CELF2: variants seen among roughly 807,000 people sequenced by gnomAD.
The protein encoded by CELF2 is CUG triplet repeat RNA-binding protein 2.
CELF2 carries 8 observed loss-of-function variants against 62.6 expected under a neutral mutation model. That is an observed-to-expected ratio of 0.13 (90% CI 0.07 to 0.23). The LOEUF (loss-of-function observed/expected upper bound fraction) is 0.23. Among genes scored for constraint, CELF2 ranks in the 10% least tolerant of loss-of-function variants. The probability of loss-of-function intolerance (pLI) is 1.00; values close to 1 mark genes in which losing one functional copy is unlikely to be tolerated. For missense variants in CELF2, 333 were observed against 671.0 expected (o/e 0.50, Z 5.56); for synonymous variants, 258 against 250.0 (o/e 1.03, Z -0.30).
chr10:10,971,720 G>C (rs2050775368), intron 2 of CELF2, among the ~76,000 whole-genome samples: 1 of 152,140 alleles, frequency 6.6e-6, no homozygotes, highest in Non-Finnish European at 1.5e-5. Flanking sequence ...CCAAGTAGCT[G>C]GGACTACAGG....
At chr10:11,236,705 C>T (rs2071439538) in intron 3 of CELF2, among the ~76,000 whole-genome samples, 1 of 152,142 alleles carries the variant, frequency 6.6e-6, no homozygotes, top group Non-Finnish European at 1.5e-5. Context: ...TAAAAAACTA[C>T]AAAAACGGCA....
At position 10,935,426 on chromosome 10, in the gene CELF2, A is replaced by G. The variant is rs1056077204; in HGVS notation, c.89+15427A>G. ...AAATTAAAAATTCCTATAAAAGAGC[A>G]GAGATGAGTTTGAGACAGTGCTTTG... On this transcript the variant is annotated intron_variant, in intron 2 of 13. Transcript: ENST00000636488. 9 of 152,246 alleles carry G rather than the reference A, an allele frequency of 5.9e-5. No individual in the cohort carries two copies. The South Asian group carries it at 1.9e-3, about 32-fold the overall frequency. The allele number at this position is 152,246 out of a possible 1,614,324, so 9.4% of individuals were successfully genotyped here.
chr10:11,225,140 G>A (rs1029849276), intron 3 of CELF2, among the ~76,000 whole-genome samples: 3 of 152,084 alleles, frequency 2.0e-5, no homozygotes, highest in Non-Finnish European at 2.9e-5. Context: ...TTTCAGGCCC[G>A]TACCCTCACC....
intron 1 of CELF2, among the ~76,000 whole-genome samples, chr10:10,911,028 C>T (rs117141799): frequency 0.013 from 1,924 of 152,310 alleles, 20 homozygotes; most frequent in Non-Finnish European, 0.02. Context: ...CATGCAAACC[C>T]AAGCCTGCAT....
the CELF2 span, among the ~76,000 whole-genome samples, chr10:10,584,523 T>G: frequency 6.6e-6 from 1 of 152,332 alleles, no homozygotes; most frequent in East Asian, 1.9e-4. Context: ...GTCTGCCTAT[T>G]AAGCTGGTTA....
At chr10:11,189,363 G>A (rs1406943379) in intron 2 of CELF2, among the ~76,000 whole-genome samples, 1 of 152,122 alleles carries the variant, frequency 6.6e-6, no homozygotes, top group Non-Finnish European at 1.5e-5. Context: ...GTACACAGCA[G>A]GTAGTTGGAT....
At chr10:10,632,462 T>A in the CELF2 span, among the ~76,000 whole-genome samples, 1 of 151,974 alleles carries the variant, frequency 6.6e-6, no homozygotes, top group African/African-American at 2.4e-5. Context: ...CACACACGTA[T>A]AAGCTTCTAC....
chr10:10,751,295 G>A, the CELF2 span, among the ~76,000 whole-genome samples: 1 of 152,244 alleles, frequency 6.6e-6, no homozygotes, highest in Non-Finnish European at 1.5e-5. Flanking sequence ...AGAACTCACT[G>A]CGTTCCATGA....
chr10:11,285,901 G>T lies in CELF2; in HGVS notation c.842-2517G>T, dbSNP rs2091165594. Reference sequence around the variant, plus strand: ...TGTTTTTACATGGACTTGAAAATGAGTAAGACATAATTTTTGTCCTAAAGG... The same window carrying T: ...TGTTTTTACATGGACTTGAAAATGATTAAGACATAATTTTTGTCCTAAAGG... On this transcript the variant is annotated intron_variant, in intron 8 of 12. Coordinates refer to ENST00000633077, the MANE Select transcript of CELF2 (RefSeq NM_001326342.2). This position sits in a 1 kb window ranked among gnomAD's most constrained non-coding sequence, Gnocchi z 4.3. Among the ~76,000 whole-genome samples the T allele has an allele frequency of 6.7e-6, 1 of 149,896 alleles. No individual in the cohort carries two copies. The highest frequency in any genetic ancestry group is 1.5e-5 in the Non-Finnish European group (1 of 67,560).
chr10:10,733,622 T>C, the CELF2 span, among the ~76,000 whole-genome samples: 100 of 151,674 alleles, frequency 6.6e-4, no homozygotes, highest in African/African-American at 2.1e-3. Context: ...TGGGGGGGCC[T>C]CACAATCATG....
chr10:10,602,019 T>G, the CELF2 span, among the ~76,000 whole-genome samples: 1 of 152,186 alleles, frequency 6.6e-6, no homozygotes, highest in Non-Finnish European at 1.5e-5. Context: ...GTTAGTTTGC[T>G]GAGGATAATG....
intron 2 of CELF2, among the ~76,000 whole-genome samples, chr10:10,963,245 A>G: frequency 6.6e-6 from 1 of 151,880 alleles, no homozygotes; most frequent in Non-Finnish European, 1.5e-5. Context: ...AGTAGAGATG[A>G]GGTTTCACCA....
chr10:11,248,461 C>T (rs2076251946), intron 3 of CELF2, among the ~76,000 whole-genome samples: 1 of 152,102 alleles, frequency 6.6e-6, no homozygotes, highest in African/African-American at 2.4e-5. Context: ...TCCTTCCTTC[C>T]ATTCTTCAGT....
At chr10:10,654,906 T>C in the CELF2 span, among the ~76,000 whole-genome samples, 1 of 148,378 alleles carries the variant, frequency 6.7e-6, no homozygotes, top group Non-Finnish European at 1.5e-5. Flanking sequence ...GGGTATTCAA[T>C]TAGGAAAAGA....
chr10:11,183,873 T>C (rs2074153721), intron 2 of CELF2, among the ~76,000 whole-genome samples: 1 of 152,236 alleles, frequency 6.6e-6, no homozygotes, highest in African/African-American at 2.4e-5. Context: ...GCTAGTTTGT[T>C]TCTTGTTATC....
intron 4 of CELF2, among the ~76,000 whole-genome samples, chr10:11,252,549 CTGAGAGAGGGAACCTCTGGGG>C (rs1237009447): frequency 6.6e-6 from 1 of 152,206 alleles, no homozygotes; most frequent in Non-Finnish European, 1.5e-5. Context: ...TCGAGCGATT[CTGAGAGAGGGAACCTCTGGGG>C]TGAGCCCCGA....
intron 1 of CELF2, among the ~76,000 whole-genome samples, chr10:11,123,275 G>A (rs2058101369): frequency 6.6e-6 from 1 of 152,086 alleles, no homozygotes; most frequent in South Asian, 2.1e-4. Flanking sequence ...TTTAGAGACA[G>A]AAGCTTACTC....
chr10:11,100,945 C>A (rs2051435332), intron 1 of CELF2, among the ~76,000 whole-genome samples: 2 of 152,158 alleles, frequency 1.3e-5, no homozygotes, highest in South Asian at 2.1e-4. Flanking sequence ...AAACACCAGG[C>A]AAAGAGGTGT....
the CELF2 span, among the ~76,000 whole-genome samples, chr10:10,517,469 T>G: frequency 6.6e-6 from 1 of 152,112 alleles, no homozygotes. Context: ...TCAGCTCCAT[T>G]CATAACAAAT....
Sources: gnomAD v4.1 joint callset for allele counts (sites outside exome capture counted in the v4.1 genomes callset) on GRCh38, gnomAD v4.1.1 for gene constraint, Gnocchi (gnomAD v3.1) non-coding constraint, MANE v1.5 for transcripts, NCBI Gene and HGNC (gene_info 2026-07-23, HGNC 2026-07-21) for gene names.